Variants in PALB2 observed in about 807,000 individuals in gnomAD.
PALB2 encodes the protein partner and localizer of BRCA2.
In PALB2, 82 loss-of-function variants were observed where a neutral mutation model predicts 107.4. The observed-to-expected ratio is 0.76, with a 90% CI of 0.64 to 0.92. The LOEUF (loss-of-function observed/expected upper bound fraction) is 0.92, where lower values mean the gene tolerates loss of function less well. PALB2 is among the 40% of genes least tolerant of loss of function. The probability of loss-of-function intolerance (pLI) is 0.00; values close to 1 mark genes in which losing one functional copy is unlikely to be tolerated. For missense variants in PALB2, 1,374 were observed against 1,379.9 expected (o/e 1.00, Z 0.07); for synonymous variants, 489 against 496.8 (o/e 0.98, Z 0.21).
At chr16:23,606,821 C>CTTTTTTTTTTTTTTTTT (rs545664784) in intron 12 of PALB2, among the ~76,000 whole-genome samples, 10 of 108,592 alleles carry the variant, frequency 9.2e-5, no homozygotes, top group African/African-American at 3.5e-4. Flanking sequence ...CTGCACCCTG[C>CTTTTTTTTTTTTTTTTT]TTTTTTTTTT....
chr16:23,608,062 C>G (rs2142275018), intron 11 of PALB2, 50 bp from the exon 12 acceptor site: 1 of 1,581,278 alleles, frequency 6.3e-7, no homozygotes, highest in Non-Finnish European at 8.7e-7. Flanking sequence ...AAGAGTATGT[C>G]AGGAAAAATA....
At chr16:23,616,448 C>T (rs1303795181) in intron 10 of PALB2, among the ~76,000 whole-genome samples, 1 of 152,180 alleles carries the variant, frequency 6.6e-6, no homozygotes, top group Non-Finnish European at 1.5e-5. Context: ...GGGTGTCCTA[C>T]AGAGTTTCAT....
chr16:23,612,556 C>T (rs140306553), intron 11 of PALB2, among the ~76,000 whole-genome samples: 4,701 of 147,090 alleles, frequency 0.032, 108 homozygotes, highest in Middle Eastern at 0.085. Context: ...AGACAGGTTC[C>T]CACTCTGTTG....
At position 23,630,398 on chromosome 16, in the gene PALB2, C is replaced by T. The variant is rs587781954; in HGVS notation, c.1756G>A (p.Asp586Asn). ...SNSAYLSLDD[D>N]AFTAPFHRDG... ...CTATGAAATGGAGCCGTGAAAGCATCATCATCCAAGGATAAATAAGCACTA... is the reference window on the plus strand; with the variant it reads ...CTATGAAATGGAGCCGTGAAAGCATTATCATCCAAGGATAAATAAGCACTA... Residue 586 changes from aspartate to asparagine, a missense_variant, in exon 5 of 13, where the codon GAT (aspartate) becomes AAT (asparagine). Physicochemically the swap from Asp to Asn is conservative, Grantham distance 23. Transcript: ENST00000261584. The T allele has an allele frequency of 1.2e-5, 19 of 1,613,972 alleles. No individual in the cohort carries two copies. The highest frequency in any genetic ancestry group is 4.0e-5 in the African/African-American group (3 of 74,922).
intron 10 of PALB2, 86 bp from the exon 11 acceptor site, chr16:23,614,177 C>G: frequency 1.0e-6 from 1 of 963,546 alleles, no homozygotes; most frequent in Non-Finnish European, 1.6e-6. Flanking sequence ...CATAGCATGT[C>G]TTAGGAGGTG....
In PALB2 at chr16:23,629,124, CTA is replaced by C. The variant is rs1401760937; in HGVS notation, c.2586+78_2586+79del. 6 of 1,057,848 alleles carry C rather than the reference CTA, an allele frequency of 5.7e-6. No homozygotes were observed. The Admixed American group carries it at 1.0e-4, about 18-fold the overall frequency. The allele number at this position is 1,057,848 out of a possible 1,614,324, so 65.5% of individuals were successfully genotyped here. A position where few individuals can be genotyped will look rare whatever the true frequency, so the allele number is the denominator to read the frequency against. On this transcript the variant is annotated intron_variant, in intron 6 of 12. Transcript: ENST00000261584. ...TTTAATAGTATTAAAGAACAAGAAG[CTA>C]TATGACTGAATTCTTTTCAGTTCAT... is the stretch of plus-strand genomic sequence containing the variant.
intron 11 of PALB2, among the ~76,000 whole-genome samples, chr16:23,613,585 A>T (rs1349103801): frequency 6.6e-6 from 1 of 152,050 alleles, no homozygotes; most frequent in Non-Finnish European, 1.5e-5. Context: ...CAGAGGTTGC[A>T]GTGAGCTGAG....
rs1029007882 is a variant in PALB2 at position 23,607,762 on chromosome 16, T to C, written c.3350+102A>G. 3.7e-6 allele frequency: 5 copies of C among 1,348,420 alleles called. No individual in the cohort carries two copies. The African/African-American group carries it at 5.7e-5, about 15-fold the overall frequency. The allele number at this position is 1,348,420 out of a possible 1,614,324, so 83.5% of individuals were successfully genotyped here. The stretch of plus-strand genomic sequence containing the variant: ...TCCTATCATGATATATAGTATTTCA[T>C]GTTTTCCATTCTTCTAAGTGACACA... On this transcript the variant is annotated intron_variant, in intron 12 of 12. Transcript: ENST00000261584.
At position 23,603,547 on chromosome 16, in the gene PALB2, T is replaced by C. The variant is rs45505500; in HGVS notation, c.3473A>G (p.His1158Arg). ...TALLPPVSDQ[H>R]WSFVKWSGTD... ...ACCCGACCATTTCACAAAAGACCAA[T>C]GTTGGTCAGAGACAGGTGGGAGGAG... The change falls in exon 13 of 13, where the codon CAT becomes CGT. Residue 1158 changes from histidine (H) to arginine (R), a missense_variant. Transcript: ENST00000261584. The C allele has an allele frequency of 1.4e-5, 22 of 1,613,882 alleles. No homozygotes were observed. The highest frequency in any genetic ancestry group is 4.0e-5 in the African/African-American group (3 of 74,858).
At chr16:23,639,801 T>C (rs574296292) in intron 1 of PALB2, among the ~76,000 whole-genome samples, 54 of 148,358 alleles carry the variant, frequency 3.6e-4, no homozygotes, top group African/African-American at 1.1e-3. Context: ...GCCTGGGAGA[T>C]AGAGCGGAGA....
chr16:23,613,971 C>T (rs777281068), intron 11 of PALB2, 33 bp downstream of exon 11: 1 of 1,507,866 alleles, frequency 6.6e-7, no homozygotes, highest in African/African-American at 1.4e-5. Flanking sequence ...CCAACAGTAA[C>T]ACACAAAGTG....
intron 12 of PALB2, among the ~76,000 whole-genome samples, chr16:23,604,088 T>C (rs1966417632): frequency 6.6e-6 from 1 of 152,210 alleles, no homozygotes; most frequent in Non-Finnish European, 1.5e-5. Flanking sequence ...ATCCTCTATC[T>C]CAGGCAGTGT....
chr16:23,612,523 C>CTTTT (rs900478700), intron 11 of PALB2, among the ~76,000 whole-genome samples: 1 of 119,508 alleles, frequency 8.4e-6, no homozygotes, highest in African/African-American at 3.2e-5. Context: ...CAGGCCAAGA[C>CTTTT]TTTTTTTTTT....
In PALB2 at chr16:23,635,423, G is replaced by T. The variant is rs373298267; in HGVS notation, c.1123C>A (p.Leu375Ile). The T allele has an allele frequency of 6.8e-6, 11 of 1,613,862 alleles. No individual in the cohort carries two copies. The highest frequency in any genetic ancestry group is 1.6e-4 in the Middle Eastern group (1 of 6,084). ...AGGCTAAGACTCTTAGGTTGACTTA[G>T]AATCTCACTTTCCTGAAGATTTTCA... ...RNENLQESEI[L>I]SQPKSLSLEA... The change falls in exon 4 of 13, where the codon CTA becomes ATA. Residue 375 changes from leucine (L) to isoleucine (I), a missense_variant. Coordinates refer to ENST00000261584, the MANE Select transcript of PALB2 (RefSeq NM_024675.4).
chr16:23,632,844 A>T (rs1223990404), intron 4 of PALB2, among the ~76,000 whole-genome samples: 1 of 152,202 alleles, frequency 6.6e-6, no homozygotes, highest in African/African-American at 2.4e-5. Context: ...CTGTAATCCC[A>T]GCACTTTGGG....
At chr16:23,606,914 C>A (rs1326421798) in intron 12 of PALB2, among the ~76,000 whole-genome samples, 1 of 151,198 alleles carries the variant, frequency 6.6e-6, no homozygotes, top group African/African-American at 2.4e-5. Flanking sequence ...CTCTGCCTCC[C>A]AGGTTCAAGT....
In PALB2 at chr16:23,637,911, TTTC is replaced by T. The variant is rs1967103032; in HGVS notation, c.147_149del (p.Lys50del). The stretch of plus-strand genomic sequence containing the variant: ...ACAAACAATCTTGTTCTTCTACTGT[TTTC>T]TTAATAGAATGCTTAATCTTTTCAG... On this transcript the variant is annotated inframe_deletion, in exon 3 of 13. Coordinates refer to ENST00000261584, the MANE Select transcript of PALB2 (RefSeq NM_024675.4). 1.9e-6 allele frequency: 3 copies of T among 1,614,108 alleles called. No individual in the cohort carries two copies. In the South Asian group the frequency reaches 3.3e-5, roughly 18 times the overall value.
intron 11 of PALB2, among the ~76,000 whole-genome samples, chr16:23,611,078 G>GTCTATCTATCTATCTATCTA (rs201931763): frequency 1.4e-5 from 2 of 148,090 alleles, no homozygotes; most frequent in Non-Finnish European, 3.0e-5. Flanking sequence ...TCAACTGTCA[G>GTCTATCTATCTATCTATCTA]TCTATCTATC....
chr16:23,629,689 T>C lies in PALB2; in HGVS notation c.2465A>G (p.Gln822Arg), dbSNP rs1299917568. 1.2e-6 allele frequency: 2 copies of C among 1,614,242 alleles called. No homozygotes were observed. The highest frequency in any genetic ancestry group is 1.3e-5 in the African/African-American group (1 of 75,068). The change falls in exon 5 of 13, where the codon CAG becomes CGG. Residue 822 changes from glutamine to arginine, a missense_variant. Gln to Arg is a conservative substitution (Grantham distance 43, BLOSUM62 1). Transcript: ENST00000261584. The stretch of plus-strand genomic sequence containing the variant: ...CTCCTGGCATGTGTTTCTACAGAGC[T>C]GATTTTCTTTAAAAGTGAATGACTC... ...PIESFTFKEN[Q>R]LCRNTCQELH...
Sources: gnomAD v4.1 joint callset for allele counts (sites outside exome capture counted in the v4.1 genomes callset) on GRCh38, gnomAD v4.1.1 for gene constraint, MANE v1.5 for transcripts, NCBI Gene and HGNC (gene_info 2026-07-23, HGNC 2026-07-21) for gene names.